NUP98: variants seen among roughly 807,000 people sequenced by gnomAD.
NUP98 encodes the protein nucleoporin 98 and 96 precursor, also known as nuclear pore complex protein Nup98-Nup96.
A neutral mutation model predicts 191.9 loss-of-function variants in NUP98; 26 were observed. That is an observed-to-expected ratio of 0.14 (90% CI 0.10 to 0.19). The LOEUF (loss-of-function observed/expected upper bound fraction) is 0.19, where lower values mean the gene tolerates loss of function less well. NUP98 is among the 10% of genes least tolerant of loss of function. The pLI, the probability that NUP98 is intolerant of heterozygous loss-of-function variation, is 1.00. For synonymous variants in NUP98, 808 were observed against 778.4 expected (o/e 1.04, Z -0.63); for missense variants, 1,941 against 2,178.8 (o/e 0.89, Z 2.17).
At chr11:3,703,264 T>C (rs558923936) in intron 22 of NUP98, among the ~76,000 whole-genome samples, 3 of 151,248 alleles carry the variant, frequency 2.0e-5, no homozygotes, top group Non-Finnish European at 4.4e-5. Context: ...TAGCCCAGGC[T>C]AGAGTGCAGT....
rs533457244 is a variant in NUP98, at chr11:3,734,893, G to C, written c.1542+298C>G. On this transcript the variant is annotated intron_variant, in intron 13 of 32. Transcript: ENST00000324932. Reference sequence around the variant, plus strand: ...GCAAGACATCATCTCAAAAAGAAAAGAAAAAAACTTAAAAAAAGTTGTTTT... The same window carrying C: ...GCAAGACATCATCTCAAAAAGAAAACAAAAAAACTTAAAAAAAGTTGTTTT... 4.6e-5 allele frequency among the ~76,000 whole-genome samples: 7 copies of C among 152,060 alleles called. No individual in the cohort carries two copies. In the East Asian group the frequency reaches 9.6e-4, roughly 21 times the overall value.
intron 14 of NUP98, among the ~76,000 whole-genome samples, chr11:3,728,509 G>A (rs2079706542): frequency 6.6e-6 from 1 of 152,176 alleles, no homozygotes; most frequent in African/African-American, 2.4e-5. Flanking sequence ...GCCGAGGCAG[G>A]CAGATCTTGA....
chr11:3,783,429 T>C (rs1171658683), intron 1 of NUP98, among the ~76,000 whole-genome samples: 1 of 151,592 alleles, frequency 6.6e-6, no homozygotes, highest in East Asian at 1.9e-4. Context: ...CTGGGCGCGG[T>C]GGCTCACGCC....
At chr11:3,724,050 G>A (rs2079515101) in intron 15 of NUP98, among the ~76,000 whole-genome samples, 1 of 151,462 alleles carries the variant, frequency 6.6e-6, no homozygotes, top group African/African-American at 2.4e-5. Context: ...ATAATGGAAA[G>A]GCATTTCTAA....
Position 3,676,777 on chromosome 11 carries a change from G to C in NUP98, c.5074-157C>G, listed in dbSNP as rs551066029. On this transcript the variant is annotated intron_variant, in intron 31 of 32. Coordinates refer to ENST00000324932, the MANE Select transcript of NUP98 (RefSeq NM_016320.5). Reference sequence around the variant, plus strand: ...GCCAAGCCACCACCATCTAGTGGAGGACAAGGCACTAATTATGCAGTAATA... The same window carrying C: ...GCCAAGCCACCACCATCTAGTGGAGCACAAGGCACTAATTATGCAGTAATA... The C allele has an allele frequency of 5.0e-5, 38 of 757,872 alleles. No individual in the cohort carries two copies. In the East Asian group the frequency reaches 9.1e-4, roughly 18 times the overall value. The allele number at this position is 757,872 out of a possible 1,614,324, so 46.9% of individuals were successfully genotyped here. A position where few individuals can be genotyped will look rare whatever the true frequency, so the allele number is the denominator to read the frequency against.
intron 1 of NUP98, among the ~76,000 whole-genome samples, chr11:3,786,792 G>A (rs928430621): frequency 3.9e-5 from 6 of 152,182 alleles, no homozygotes; most frequent in Admixed American, 6.5e-5. Flanking sequence ...CTGAAATGTG[G>A]TCAAAACGTT....
intron 14 of NUP98, among the ~76,000 whole-genome samples, chr11:3,730,875 A>AT (rs1353262527): frequency 6.6e-6 from 1 of 152,192 alleles, no homozygotes; most frequent in Non-Finnish European, 1.5e-5. Context: ...TAAGAGGCAT[A>AT]TTTATCAAAA....
chr11:3,693,573 G>A (rs1329257553), intron 26 of NUP98, among the ~76,000 whole-genome samples, 198 bp from the exon 27 acceptor site: 3 of 152,272 alleles, frequency 2.0e-5, no homozygotes, highest in Non-Finnish European at 4.4e-5. Flanking sequence ...CTGATTGATC[G>A]ATTGATACAG....
chr11:3,772,123 TATC>T (rs1436752460), intron 6 of NUP98, among the ~76,000 whole-genome samples, 195 bp from the exon 7 acceptor site: 1 of 152,106 alleles, frequency 6.6e-6, no homozygotes, highest in Non-Finnish European at 1.5e-5. Flanking sequence ...ATACCATAAT[TATC>T]ATAAAACTAC....
At chr11:3,707,754 A>AAAAAAAAAAAAAG (rs71041376) in intron 20 of NUP98, among the ~76,000 whole-genome samples, 1 of 146,714 alleles carries the variant, frequency 6.8e-6, no homozygotes, top group Admixed American at 6.8e-5. Flanking sequence ...AAAAAAAAAA[A>AAAAAAAAAAAAAG]TCCTGAAGGA....
intron 11 of NUP98, among the ~76,000 whole-genome samples, chr11:3,752,998 G>A (rs148807208): frequency 6.6e-6 from 1 of 152,248 alleles, no homozygotes; most frequent in African/African-American, 2.4e-5. Context: ...TCAAATCCCT[G>A]TTACAAAAGT....
At chr11:3,758,658 G>A (rs2081060333) in intron 10 of NUP98, among the ~76,000 whole-genome samples, 1 of 152,086 alleles carries the variant, frequency 6.6e-6, no homozygotes, top group Non-Finnish European at 1.5e-5. Flanking sequence ...GGTGGCAGGC[G>A]CCTGTAATCC....
intron 1 of NUP98, among the ~76,000 whole-genome samples, chr11:3,789,895 C>T (rs1434896066): frequency 6.6e-6 from 1 of 152,156 alleles, no homozygotes; most frequent in Non-Finnish European, 1.5e-5. Flanking sequence ...AGCGATTTCC[C>T]TGCCTCAGCC....
intron 11 of NUP98, among the ~76,000 whole-genome samples, chr11:3,748,240 T>C (rs1242979881): frequency 6.6e-6 from 1 of 152,126 alleles, no homozygotes; most frequent in Non-Finnish European, 1.5e-5. Context: ...ACCTACAAGA[T>C]CCAGGAGCCA....
intron 20 of NUP98, among the ~76,000 whole-genome samples, chr11:3,707,575 A>G (rs1449305302): frequency 6.7e-6 from 1 of 150,304 alleles, no homozygotes; most frequent in East Asian, 2.0e-4. Flanking sequence ...TGGTGGTGAA[A>G]CTGTCTCTAC....
intron 29 of NUP98, among the ~76,000 whole-genome samples, chr11:3,685,088 T>C (rs538917686): frequency 7.9e-5 from 12 of 152,244 alleles, no homozygotes; most frequent in African/African-American, 2.9e-4. Flanking sequence ...CAGGTCATAA[T>C]GAACATAAAA....
At chr11:3,771,483 GA>G (rs1183632030) in intron 7 of NUP98, among the ~76,000 whole-genome samples, 1 of 152,060 alleles carries the variant, frequency 6.6e-6, no homozygotes. Context: ...TCTTCCCCCA[GA>G]AATCTGTACA....
intron 11 of NUP98, among the ~76,000 whole-genome samples, chr11:3,753,006 A>G (rs569774075): frequency 6.6e-6 from 1 of 152,346 alleles, no homozygotes; most frequent in East Asian, 1.9e-4. Context: ...CTGTTACAAA[A>G]GTAACATGGG....
chr11:3,679,014 T>A (rs1430235179), intron 31 of NUP98, among the ~76,000 whole-genome samples: 2 of 151,510 alleles, frequency 1.3e-5, no homozygotes, highest in African/African-American at 4.9e-5. Flanking sequence ...TCCCAGCTAC[T>A]TGGGAGGCTG....
Sources: gnomAD v4.1 joint callset for allele counts (sites outside exome capture counted in the v4.1 genomes callset) on GRCh38, gnomAD v4.1.1 for gene constraint, MANE v1.5 for transcripts, NCBI Gene and HGNC (gene_info 2026-07-23, HGNC 2026-07-21) for gene names.